Variants in UNC5C observed in about 807,000 individuals in gnomAD.
The protein encoded by UNC5C is unc-5 netrin receptor C.
In UNC5C, 47 loss-of-function variants were observed where a neutral mutation model predicts 99.8. That is an observed-to-expected ratio of 0.47 (90% CI 0.37 to 0.60). UNC5C has a LOEUF of 0.60. Among genes scored for constraint, UNC5C ranks in the 20% least tolerant of loss-of-function variants. The pLI is 0.00. For missense variants in UNC5C, 1,062 were observed against 1,165.9 expected (o/e 0.91, Z 1.30); for synonymous variants, 487 against 452.2 (o/e 1.08, Z -0.98).
intron 4 of UNC5C, among the ~76,000 whole-genome samples, chr4:95,275,999 T>A (rs529606111): frequency 6.6e-6 from 1 of 152,350 alleles, no homozygotes; most frequent in South Asian, 2.1e-4. Flanking sequence ...CCTATTTTTA[T>A]GCTTAAAGAT....
chr4:95,403,801 G>A (rs1745763069), intron 1 of UNC5C, among the ~76,000 whole-genome samples: 3 of 152,284 alleles, frequency 2.0e-5, no homozygotes, highest in African/African-American at 7.2e-5. Context: ...TTCCTCAGTA[G>A]TGTCTCTTGA....
At chr4:95,409,892 T>C (rs182005373) in intron 1 of UNC5C, among the ~76,000 whole-genome samples, 74 of 152,352 alleles carry the variant, frequency 4.9e-4, no homozygotes, top group African/African-American at 1.7e-3. Context: ...TATGCCTCTA[T>C]GTGCGCCTAG....
At chr4:95,466,639 G>T (rs573346178) in intron 1 of UNC5C, among the ~76,000 whole-genome samples, 1 of 151,780 alleles carries the variant, frequency 6.6e-6, no homozygotes, top group African/African-American at 2.4e-5. Flanking sequence ...TATCTGCCAG[G>T]TTCTATGCTT....
intron 1 of UNC5C, among the ~76,000 whole-genome samples, chr4:95,438,533 G>A (rs1746856589): frequency 6.6e-6 from 1 of 152,006 alleles, no homozygotes; most frequent in Non-Finnish European, 1.5e-5. Context: ...AATTTGGTTT[G>A]CAAAAAATGT....
At chr4:95,228,076 A>T (rs1294162636) in intron 7 of UNC5C, among the ~76,000 whole-genome samples, 2 of 152,234 alleles carry the variant, frequency 1.3e-5, no homozygotes, top group African/African-American at 4.8e-5. Context: ...CACTGAAGGA[A>T]GTAATATCAA....
At chr4:95,170,388 C>T (rs1736047888) in intron 14 of UNC5C, 56 bp from the exon 15 acceptor site, 35 of 1,570,758 alleles carry the variant, frequency 2.2e-5, no homozygotes, top group Non-Finnish European at 3.0e-5. Context: ...AAAGCAATCT[C>T]TATTGAACCA....
chr4:95,220,018 A>C lies in UNC5C; in HGVS notation c.1267T>G (p.Phe423Val). ...GCTGCCTTGATGTTCACAGGCTGAA[A>C]GCCCCCATTGAGTGCCGAAGAGTCA... The part of the protein sequence containing the change: ...IIDSSALNGG[F>V]QPVNIKAARQ... The change falls in exon 8 of 16, where the codon TTT becomes GTT. Residue 423 changes from phenylalanine to valine, a missense_variant. Phe to Val is a conservative substitution (Grantham distance 50). This residue lies in a region of UNC5C where 810 missense variants were observed against 854.5 expected (regional missense o/e 0.95). Coordinates refer to ENST00000453304, the MANE Select transcript of UNC5C (RefSeq NM_003728.4). 1.2e-6 allele frequency: 2 copies of C among 1,614,094 alleles called. No homozygotes were observed. Among genetic ancestry groups the C allele is most frequent in the Non-Finnish European group, 1.7e-6 (2 of 1,179,944 alleles).
intron 7 of UNC5C, among the ~76,000 whole-genome samples, chr4:95,240,014 G>A (rs994093722): frequency 6.6e-6 from 1 of 152,148 alleles, no homozygotes; most frequent in Non-Finnish European, 1.5e-5. Context: ...AATAGATTCA[G>A]AGGTTGTAGT....
intron 1 of UNC5C, among the ~76,000 whole-genome samples, chr4:95,520,888 C>G (rs553633720): frequency 2.0e-5 from 3 of 151,998 alleles, no homozygotes; most frequent in Non-Finnish European, 4.4e-5. Flanking sequence ...CGTGAGCCAC[C>G]GCGCCCGGCC....
intron 1 of UNC5C, among the ~76,000 whole-genome samples, chr4:95,547,896 C>T (rs2149498671): frequency 6.6e-6 from 1 of 152,372 alleles, no homozygotes; most frequent in Middle Eastern, 3.4e-3. Context: ...CTCTTCCCAA[C>T]CCGGCTTCGC....
chr4:95,437,772 T>C (rs891570687), intron 1 of UNC5C, among the ~76,000 whole-genome samples: 10 of 152,088 alleles, frequency 6.6e-5, no homozygotes, highest in African/African-American at 1.9e-4. Context: ...TAAGGTCTCA[T>C]GCAATGGCAC....
intron 1 of UNC5C, among the ~76,000 whole-genome samples, chr4:95,547,295 A>G (rs1447904814): frequency 1.3e-5 from 2 of 152,116 alleles, no homozygotes; most frequent in Non-Finnish European, 2.9e-5. Context: ...TTACTTCCGA[A>G]GAAGCTATCG....
At chr4:95,206,467 A>T (rs921879308) in intron 11 of UNC5C, among the ~76,000 whole-genome samples, 161 bp downstream of exon 11, 1 of 152,196 alleles carries the variant, frequency 6.6e-6, no homozygotes, top group Admixed American at 6.5e-5. Flanking sequence ...AGAAGATATA[A>T]CACTCAGGAA....
intron 1 of UNC5C, among the ~76,000 whole-genome samples, chr4:95,438,635 G>T (rs1437297409): frequency 6.6e-6 from 1 of 152,008 alleles, no homozygotes; most frequent in Non-Finnish European, 1.5e-5. Context: ...CATAGGGTTT[G>T]GTACTATCCA....
chr4:95,292,363 A>G (rs1199102982), intron 3 of UNC5C, among the ~76,000 whole-genome samples: 3 of 151,020 alleles, frequency 2.0e-5, no homozygotes, highest in Admixed American at 6.6e-5. Context: ...TCTGCCTCCC[A>G]GGTTCACGCC....
At chr4:95,250,419 C>G in intron 5 of UNC5C, 68 bp downstream of exon 5, 1 of 1,511,876 alleles carries the variant, frequency 6.6e-7, no homozygotes, top group Non-Finnish European at 9.0e-7. Flanking sequence ...GGGCTTCTAG[C>G]TTTACCGATG....
At chr4:95,219,469 A>G (rs938047182) in intron 8 of UNC5C, among the ~76,000 whole-genome samples, 156 bp from the exon 9 acceptor site, 1 of 152,220 alleles carries the variant, frequency 6.6e-6, no homozygotes, top group Non-Finnish European at 1.5e-5. Context: ...GGGCAATCAG[A>G]TAACTACCAG....
At chr4:95,440,870 T>A (rs961878446) in intron 1 of UNC5C, among the ~76,000 whole-genome samples, 3 of 152,212 alleles carry the variant, frequency 2.0e-5, no homozygotes, top group African/African-American at 7.2e-5. Context: ...ACAATTTTCA[T>A]CTTCAATGTA....
chr4:95,199,489 T>A (rs943085875), intron 12 of UNC5C, among the ~76,000 whole-genome samples: 1 of 152,210 alleles, frequency 6.6e-6, no homozygotes, highest in Non-Finnish European at 1.5e-5. Context: ...AATTTATAAA[T>A]GTCTATTTAG....
Sources: gnomAD v4.1 joint callset for allele counts (sites outside exome capture counted in the v4.1 genomes callset) on GRCh38, gnomAD v4.1.1 for gene constraint, gnomAD v4.1.1 regional missense constraint, MANE v1.5 for transcripts, NCBI Gene and HGNC (gene_info 2026-07-23, HGNC 2026-07-21) for gene names.